Variants in PIP5K1B observed in about 807,000 individuals in gnomAD.
PIP5K1B encodes the protein phosphatidylinositol-4-phosphate 5-kinase type 1 beta.
PIP5K1B carries 42 observed loss-of-function variants against 67.0 expected under a neutral mutation model. The ratio of observed to expected loss-of-function variants is 0.63; its 90% CI spans 0.49 to 0.81. The LOEUF (loss-of-function observed/expected upper bound fraction) is 0.81. Ranked by LOEUF, PIP5K1B falls within the 30% of genes least tolerant of loss-of-function variation. The pLI is 0.00. For synonymous variants in PIP5K1B, 214 were observed against 231.4 expected, an observed-to-expected ratio of 0.92 and a Z score of 0.68; for missense variants, 459 against 646.3, an observed-to-expected ratio of 0.71 and a Z score of 3.14.
At chr9:68,854,629 C>G (rs1040396849) in intron 4 of PIP5K1B, among the ~76,000 whole-genome samples, 7 of 152,160 alleles carry the variant, frequency 4.6e-5, no homozygotes, top group African/African-American at 1.7e-4. Context: ...AAAGAAAAAG[C>G]TAAAAAGATG....
At chr9:68,980,272 G>A (rs1829833914) in intron 14 of PIP5K1B, among the ~76,000 whole-genome samples, 1 of 152,214 alleles carries the variant, frequency 6.6e-6, no homozygotes, top group African/African-American at 2.4e-5. Context: ...GAAGCGCCTG[G>A]GTCACGCTGG....
At chr9:68,748,803 G>T (rs1829466382) in intron 2 of PIP5K1B, among the ~76,000 whole-genome samples, 1 of 151,818 alleles carries the variant, frequency 6.6e-6, no homozygotes, top group African/African-American at 2.4e-5. Flanking sequence ...GTAGAGACGG[G>T]GTTTCACCAT....
chr9:68,924,392 A>C lies in PIP5K1B; in HGVS notation c.1201+1006A>C, dbSNP rs1396166640. ...ACTGCAGCCTGGGCAACAGAGTGAC[A>C]CTGCGCCTCAAAAAAAAAAAAAAAA... On this transcript the variant is annotated intron_variant, in intron 12 of 15. Transcript: ENST00000265382. 5.3e-5 allele frequency among the ~76,000 whole-genome samples: 7 copies of C among 132,314 alleles called. No individual in the cohort carries two copies. The East Asian group carries it at 1.3e-3, about 25-fold the overall frequency. The allele number at this position is 132,314 out of a possible 152,430, so 86.8% of individuals were successfully genotyped here.
intron 1 of PIP5K1B, among the ~76,000 whole-genome samples, chr9:68,732,684 T>C (rs1415105596): frequency 1.3e-5 from 2 of 152,172 alleles, no homozygotes; most frequent in Non-Finnish European, 2.9e-5. Flanking sequence ...CTAACAAATG[T>C]AAGAAGGCCA....
chr9:68,792,564 C>A (rs992144337), intron 2 of PIP5K1B, among the ~76,000 whole-genome samples: 1 of 152,102 alleles, frequency 6.6e-6, no homozygotes, highest in Non-Finnish European at 1.5e-5. Flanking sequence ...ACTGCAAGCT[C>A]CGCCTTCCAG....
chr9:68,746,459 C>T (rs552549440), intron 2 of PIP5K1B, among the ~76,000 whole-genome samples: 3 of 152,240 alleles, frequency 2.0e-5, no homozygotes, highest in African/African-American at 7.2e-5. Flanking sequence ...CTCCCCTCAC[C>T]CTTTCTCTCC....
At chr9:68,768,766 G>C (rs964838402) in intron 2 of PIP5K1B, among the ~76,000 whole-genome samples, 1 of 152,224 alleles carries the variant, frequency 6.6e-6, no homozygotes, top group Non-Finnish European at 1.5e-5. Context: ...GGGTGGAATT[G>C]AGCAGTAGCT....
In PIP5K1B at chr9:68,878,855, A is replaced by C. The variant is rs529538691; in HGVS notation, c.318+2061A>C. 1.8e-4 allele frequency among the ~76,000 whole-genome samples: 28 copies of C among 152,308 alleles called. No individual in the cohort carries two copies. In the South Asian group the frequency reaches 5.8e-3, roughly 32 times the overall value. On this transcript the variant is annotated intron_variant, in intron 6 of 15. Transcript: ENST00000265382. ...ATGTGGTTTTAACCATGCCTTAAAA[A>C]CTACGAGGGATTTTAAAAGGTAGAA... is the stretch of plus-strand genomic sequence containing the variant.
intron 2 of PIP5K1B, among the ~76,000 whole-genome samples, chr9:68,807,453 A>G (rs765730985): frequency 3.3e-5 from 5 of 152,194 alleles, no homozygotes; most frequent in Non-Finnish European, 4.4e-5. Flanking sequence ...TATTTATTTA[A>G]CAGTTCTTCC....
chr9:68,951,219 G>C (rs1382931375), intron 14 of PIP5K1B, among the ~76,000 whole-genome samples: 1 of 152,188 alleles, frequency 6.6e-6, no homozygotes, highest in African/African-American at 2.4e-5. Flanking sequence ...AAATTAGTGT[G>C]TGGAAGGTCA....
intron 6 of PIP5K1B, among the ~76,000 whole-genome samples, chr9:68,880,611 A>G (rs1355397382): frequency 6.7e-6 from 1 of 148,752 alleles, no homozygotes; most frequent in Non-Finnish European, 1.5e-5. Flanking sequence ...ACACACACAC[A>G]CACACGCATA....
chr9:68,788,394 A>T, intron 2 of PIP5K1B: 1 of 775,138 alleles, frequency 1.3e-6, no homozygotes, highest in Non-Finnish European at 2.1e-6. Context: ...TATCCAGATG[A>T]CCCTAAGTCC....
chr9:68,780,473 C>T (rs766292332), intron 2 of PIP5K1B: 2 of 1,614,198 alleles, frequency 1.2e-6, no homozygotes, highest in Non-Finnish European at 1.7e-6. Context: ...AGACGGTCCA[C>T]GAACGGGAGG....
intron 5 of PIP5K1B, among the ~76,000 whole-genome samples, chr9:68,872,346 G>A (rs1448513355): frequency 1.3e-5 from 2 of 152,182 alleles, no homozygotes; most frequent in African/African-American, 2.4e-5. Context: ...AGGGGCCAGC[G>A]ATCTCATTAA....
At chr9:68,991,985 G>GCT (rs1248834224) in intron 15 of PIP5K1B, among the ~76,000 whole-genome samples, 1 of 152,058 alleles carries the variant, frequency 6.6e-6, no homozygotes, top group East Asian at 1.9e-4. Flanking sequence ...TTTGGGGGGG[G>GCT]GCAGAGTTTT....
chr9:68,722,152 A>T (rs956385376), intron 1 of PIP5K1B, among the ~76,000 whole-genome samples: 1 of 152,146 alleles, frequency 6.6e-6, no homozygotes, highest in Admixed American at 6.5e-5. Context: ...AGCAGGGATC[A>T]TATCTTTGCC....
At chr9:68,888,831 C>G in intron 6 of PIP5K1B, 150 bp from the exon 7 acceptor site, 1 of 514,510 alleles carries the variant, frequency 1.9e-6, no homozygotes, top group Non-Finnish European at 3.5e-6. Context: ...TCAAAAAGAG[C>G]CTTCTCGGTA....
chr9:68,928,686 C>T (rs1279026157), intron 12 of PIP5K1B, among the ~76,000 whole-genome samples: 2 of 152,080 alleles, frequency 1.3e-5, no homozygotes, highest in South Asian at 2.1e-4. Context: ...TTGTTTATTG[C>T]GTAGGTAGTA....
intron 4 of PIP5K1B, chr9:68,824,306 A>G: frequency 1.9e-6 from 1 of 515,336 alleles, no homozygotes; most frequent in South Asian, 1.4e-5. Context: ...AAAGTTATAG[A>G]AAAAATGTGA....
Sources: gnomAD v4.1 joint callset for allele counts (sites outside exome capture counted in the v4.1 genomes callset) on GRCh38, gnomAD v4.1.1 for gene constraint, MANE v1.5 for transcripts, NCBI Gene and HGNC (gene_info 2026-07-23, HGNC 2026-07-21) for gene names.